Variants in SEC24A observed in about 807,000 individuals in gnomAD.
The protein encoded by SEC24A is SEC24 homolog A, COPII component.
Under a neutral mutation model 129.4 loss-of-function variants are expected in SEC24A, and 93 were observed. The observed-to-expected ratio is 0.72, with a 90% CI of 0.61 to 0.85. The LOEUF (loss-of-function observed/expected upper bound fraction) is 0.85. Ranked by LOEUF, SEC24A falls within the 40% of genes least tolerant of loss-of-function variation. The pLI is 0.00. For missense variants in SEC24A, 1,264 were observed against 1,307.4 expected (o/e 0.97, Z 0.51); for synonymous variants, 460 against 467.3 (o/e 0.98, Z 0.20).
At chr5:134,693,654 G>T (rs1751731618) in intron 12 of SEC24A, 73 bp from the exon 13 acceptor site, 4 of 1,553,738 alleles carry the variant, frequency 2.6e-6, no homozygotes, top group Admixed American at 1.9e-5. Flanking sequence ...CTTGTCTATT[G>T]TATGAGATAC....
intron 18 of SEC24A, among the ~76,000 whole-genome samples, chr5:134,713,216 C>T (rs1260254781): frequency 6.6e-6 from 1 of 152,146 alleles, no homozygotes; most frequent in Non-Finnish European, 1.5e-5. Context: ...TAGGCGTGAG[C>T]CACCGCGCCC....
intron 15 of SEC24A, among the ~76,000 whole-genome samples, chr5:134,702,212 A>C (rs1012684341): frequency 2.6e-5 from 4 of 152,104 alleles, no homozygotes; most frequent in African/African-American, 9.7e-5. Flanking sequence ...ACAGGGTCTC[A>C]CTATGTTGCC....
intron 1 of SEC24A, among the ~76,000 whole-genome samples, chr5:134,657,009 A>AC (rs1214246972): frequency 2.0e-5 from 3 of 150,828 alleles, no homozygotes; most frequent in Non-Finnish European, 4.4e-5. Context: ...ACTTAGGGAG[A>AC]CCCCATCTCT....
At chr5:134,684,768 C>T (rs1180093351) in intron 9 of SEC24A, among the ~76,000 whole-genome samples, 1 of 151,934 alleles carries the variant, frequency 6.6e-6, no homozygotes, top group Non-Finnish European at 1.5e-5. Flanking sequence ...TTGGTAATAG[C>T]CATCTACAGA....
At chr5:134,674,133 G>A (rs1303667302) in intron 4 of SEC24A, among the ~76,000 whole-genome samples, 2 of 151,710 alleles carry the variant, frequency 1.3e-5, no homozygotes, top group Non-Finnish European at 2.9e-5. Flanking sequence ...ACTCCATCTC[G>A]AAAAATAAAA....
intron 18 of SEC24A, 98 bp from the exon 19 acceptor site, chr5:134,714,924 TTC>T (rs1752433297): frequency 8.1e-7 from 1 of 1,235,632 alleles, no homozygotes; most frequent in African/African-American, 1.6e-5. Flanking sequence ...AATTTGTGAA[TTC>T]TCTCTGAAAA....
At chr5:134,662,381 C>T (rs1049580381) in intron 2 of SEC24A, among the ~76,000 whole-genome samples, 18 of 152,162 alleles carry the variant, frequency 1.2e-4, no homozygotes, top group African/African-American at 4.3e-4. Context: ...GTCTCGATCT[C>T]CTGACCTCGT....
intron 12 of SEC24A, chr5:134,693,387 A>T: frequency 2.2e-6 from 3 of 1,358,614 alleles, no homozygotes; most frequent in Non-Finnish European, 2.8e-6. Context: ...ACAAGAATAA[A>T]GTATGTAGAG....
intron 18 of SEC24A, among the ~76,000 whole-genome samples, chr5:134,711,311 A>AT (rs1331919487): frequency 6.6e-6 from 1 of 151,868 alleles, no homozygotes; most frequent in Non-Finnish European, 1.5e-5. Context: ...AAAAAATTTA[A>AT]TTTTTTTAAT....
At chr5:134,680,644 TTTTG>T (rs1249246779) in intron 8 of SEC24A, among the ~76,000 whole-genome samples, 3 of 151,880 alleles carry the variant, frequency 2.0e-5, no homozygotes, top group East Asian at 2.0e-4. Context: ...AAGAGTTTGT[TTTTG>T]TTTGTTTGTT....
chr5:134,659,362 G>A (rs924174277), intron 1 of SEC24A, among the ~76,000 whole-genome samples: 7 of 151,838 alleles, frequency 4.6e-5, no homozygotes, highest in East Asian at 1.9e-4. Flanking sequence ...GTGAGCCACC[G>A]CGCCTGGCCT....
At chr5:134,714,890 G>T in intron 18 of SEC24A, 134 bp from the exon 19 acceptor site, 1 of 883,942 alleles carries the variant, frequency 1.1e-6, no homozygotes, top group Non-Finnish European at 1.7e-6. Flanking sequence ...TCTTAAAAAA[G>T]ATACTTTAAA....
chr5:134,661,778 G>A (rs1750471526), intron 2 of SEC24A, among the ~76,000 whole-genome samples, 192 bp downstream of exon 2: 1 of 149,678 alleles, frequency 6.7e-6, no homozygotes, highest in South Asian at 2.1e-4. Flanking sequence ...AATTAAGTAA[G>A]CTATAACACT....
intron 3 of SEC24A, among the ~76,000 whole-genome samples, chr5:134,667,704 CT>C (rs1750715857): frequency 6.7e-6 from 1 of 149,544 alleles, no homozygotes; most frequent in Non-Finnish European, 1.5e-5. Context: ...TTGATTGCCA[CT>C]ATTATCGTAA....
chr5:134,676,134 C>G lies in SEC24A; in HGVS notation c.1254+9C>G. The stretch of plus-strand genomic sequence containing the variant: ...CTTTCAAAGACTTAGTGGTATGTTT[C>G]TTTTCTTTTCTTTTTTTTTTTTTGA... On this transcript the variant is annotated intron_variant, in intron 7 of 22. Transcript: ENST00000398844. 1 of 1,558,066 alleles carries G rather than the reference C, an allele frequency of 6.4e-7. No individual in the cohort carries two copies. The highest frequency in any genetic ancestry group is 8.7e-7 in the Non-Finnish European group (1 of 1,147,408).
Position 134,708,817 on chromosome 5 carries a change from C to T in SEC24A, c.2656C>T (p.Gln886Ter). ...SAYRSSVLSNQQPGLMVPFSL... is the reference protein window; with the variant it reads ...SAYRSSVLSN Reference sequence around the variant, plus strand: ...TTACCGTTCTTCAGTCTTAAGTAACCAGCAGCCTGGACTCATGGTTCCTTT... The same window carrying T: ...TTACCGTTCTTCAGTCTTAAGTAACTAGCAGCCTGGACTCATGGTTCCTTT... The change falls in exon 18 of 23, where the codon CAG (glutamine) becomes TAG (stop). Residue 886 changes from glutamine (Q) to a stop codon, truncating the protein, a stop_gained. Coordinates refer to ENST00000398844, the MANE Select transcript of SEC24A (RefSeq NM_021982.3). LOFTEE classifies it high-confidence loss of function. 1 of 1,614,114 alleles carries T rather than the reference C, an allele frequency of 6.2e-7. No individual in the cohort carries two copies. Among genetic ancestry groups the T allele is most frequent in the Non-Finnish European group, 8.5e-7 (1 of 1,180,034 alleles).
chr5:134,707,175 A>T (rs1157672795), intron 17 of SEC24A, among the ~76,000 whole-genome samples: 3 of 152,132 alleles, frequency 2.0e-5, no homozygotes, highest in Non-Finnish European at 4.4e-5. Context: ...TTCTGTCTGT[A>T]TCAGGAATAG....
Position 134,712,808 on chromosome 5 carries a change from C to T in SEC24A, c.2728-2216C>T, listed in dbSNP as rs565595481. ...TAATTTTTTGTATTTTTAGTAGAGA[C>T]GGGGTTTCACCGTGTTAACCAGGAT... is the stretch of plus-strand genomic sequence containing the variant. On this transcript the variant is annotated intron_variant, in intron 18 of 22. Coordinates refer to ENST00000398844, the MANE Select transcript of SEC24A (RefSeq NM_021982.3). 4.6e-5 allele frequency among the ~76,000 whole-genome samples: 7 copies of T among 151,134 alleles called. No individual in the cohort carries two copies. The South Asian group carries it at 8.4e-4, about 18-fold the overall frequency.
In SEC24A at chr5:134,688,667, T is replaced by TTTTATTTATTTATTTATTTATTTA. The variant is rs149900252; in HGVS notation, c.1723+375_1723+398dup. 8.4e-3 allele frequency among the ~76,000 whole-genome samples: 1,262 copies of TTTTATTTATTTATTTATTTATTTA among 151,078 alleles called. 8 individuals are homozygous for TTTTATTTATTTATTTATTTATTTA. The highest frequency in any genetic ancestry group is 0.024 in the Middle Eastern group (7 of 294). ...AAGCCTAGCATATATAGTCAATTGATTTTATTTATTTATTTATTTATTTAT... is the reference window on the plus strand; with the variant it reads ...AAGCCTAGCATATATAGTCAATTGATTTTATTTATTTATTTATTTATTTATTTATTTATTTATTTATTTATTTAT... On this transcript the variant is annotated intron_variant, in intron 11 of 22. Transcript: ENST00000398844.
Sources: gnomAD v4.1 joint callset for allele counts (sites outside exome capture counted in the v4.1 genomes callset) on GRCh38, gnomAD v4.1.1 for gene constraint, MANE v1.5 for transcripts, NCBI Gene and HGNC (gene_info 2026-07-23, HGNC 2026-07-21) for gene names.